The following EPS15 variants were observed in gnomAD, a reference collection of about 807,000 sequenced individuals.
EPS15 encodes epidermal growth factor receptor substrate 15.
Under a neutral mutation model 113.8 loss-of-function variants are expected in EPS15, and 72 were observed. The ratio of observed to expected loss-of-function variants is 0.63; its 90% CI spans 0.52 to 0.77. EPS15 has a LOEUF of 0.77. EPS15 is among the 30% of genes least tolerant of loss of function. The probability of loss-of-function intolerance (pLI) is 0.00; values close to 1 mark genes in which losing one functional copy is unlikely to be tolerated. For synonymous variants in EPS15, 344 were observed against 363.4 expected, an observed-to-expected ratio of 0.95 and a Z score of 0.61; for missense variants, 1,048 against 1,045.8, an observed-to-expected ratio of 1.00 and a Z score of -0.03.
rs1464515619 is a variant in EPS15, at chr1:51,463,688, C to G, written c.486G>C (p.Val162=). ...KPVLLNSKLP[V]DILGRVWELS... ...AATATCTTACTCTTCCAAGGATATC[C>G]ACAGGTAACTTAGAGTTGAGCAACA... Residue 162 remains valine (V), a synonymous_variant, in exon 7 of 25, where the codon GTG becomes GTC. Coordinates refer to ENST00000371733, the MANE Select transcript of EPS15 (RefSeq NM_001981.3). 2.5e-6 allele frequency: 4 copies of G among 1,592,724 alleles called. No individual in the cohort carries two copies. The highest frequency in any genetic ancestry group is 3.4e-6 in the Non-Finnish European group (4 of 1,162,964).
intron 1 of EPS15, among the ~76,000 whole-genome samples, chr1:51,487,317 T>C (rs1203173347): frequency 6.6e-6 from 1 of 152,186 alleles, no homozygotes; most frequent in Non-Finnish European, 1.5e-5. Context: ...AAGTCCATGT[T>C]AAAAACTTTG....
At chr1:51,516,871 G>A (rs1355064975) in intron 1 of EPS15, among the ~76,000 whole-genome samples, 1 of 152,162 alleles carries the variant, frequency 6.6e-6, no homozygotes, top group Non-Finnish European at 1.5e-5. Flanking sequence ...CTTCCAGATA[G>A]GTACCATGGG....
Position 51,470,462 on chromosome 1 carries a change from T to C in EPS15, c.213+1228A>G, listed in dbSNP as rs113464508. ...GAGTTCAAGACCAGCCTGGCCAATA[T>C]AGTGAAACCCCATCTCTACTAAAAA... On this transcript the variant is annotated intron_variant, in intron 4 of 24. Transcript: ENST00000371733. Among the ~76,000 whole-genome samples the C allele has an allele frequency of 8.1e-3, 1,237 of 151,804 alleles. 12 individuals are homozygous for C. The highest frequency in any genetic ancestry group is 0.029 in the African/African-American group (1,192 of 41,404).
At position 51,409,716 on chromosome 1, in the gene EPS15, A is replaced by C. The variant is rs369224063; in HGVS notation, c.1114-20T>G. The C allele has an allele frequency of 1.1e-5, 17 of 1,556,896 alleles. No individual in the cohort carries two copies. Among genetic ancestry groups the C allele is most frequent in the Non-Finnish European group, 1.5e-5 (17 of 1,138,492 alleles). ...AAGATCCTAAAATCCAAGAAAATTA[A>C]TATATTTATTTTCTTTGCGGGCAGG... On this transcript the variant is annotated intron_variant, in intron 13 of 24. Coordinates refer to ENST00000371733, the MANE Select transcript of EPS15 (RefSeq NM_001981.3).
intron 2 of EPS15, among the ~76,000 whole-genome samples, chr1:51,478,027 C>T (rs1420363222): frequency 2.0e-5 from 3 of 152,076 alleles, no homozygotes; most frequent in South Asian, 2.1e-4. Flanking sequence ...GTCTGTCTCA[C>T]TGATCTGACT....
intron 21 of EPS15, among the ~76,000 whole-genome samples, chr1:51,383,723 T>C (rs1465396817): frequency 6.6e-6 from 1 of 152,132 alleles, no homozygotes; most frequent in Non-Finnish European, 1.5e-5. Context: ...CCCTGCAATA[T>C]AGTAGTGGAA....
intron 12 of EPS15, among the ~76,000 whole-genome samples, chr1:51,436,457 T>C (rs1355750767): frequency 6.6e-6 from 1 of 152,232 alleles, no homozygotes; most frequent in East Asian, 1.9e-4. Flanking sequence ...TTTTCTCATC[T>C]ATTATGAGCT....
chr1:51,436,024 A>G (rs921674414), intron 12 of EPS15, among the ~76,000 whole-genome samples: 8 of 152,210 alleles, frequency 5.3e-5, no homozygotes, highest in African/African-American at 1.9e-4. Flanking sequence ...CATCTATCAT[A>G]CGACTGGAGA....
At chr1:51,483,003 A>G (rs1399003396) in intron 1 of EPS15, among the ~76,000 whole-genome samples, 1 of 152,226 alleles carries the variant, frequency 6.6e-6, no homozygotes, top group Non-Finnish European at 1.5e-5. Flanking sequence ...GCTCGCCGTC[A>G]GAGTATTAAA....
chr1:51,439,868 G>A (rs72696126), intron 12 of EPS15, among the ~76,000 whole-genome samples: 4,571 of 152,110 alleles, frequency 0.03, 76 homozygotes, highest in African/African-American at 0.05. Context: ...TGAGGGTCAA[G>A]TAACAATTAT....
intron 12 of EPS15, among the ~76,000 whole-genome samples, chr1:51,434,313 A>C (rs1443322176): frequency 6.6e-6 from 1 of 152,240 alleles, no homozygotes; most frequent in Non-Finnish European, 1.5e-5. Context: ...TCAATAGATG[A>C]ACAGGTAAAC....
intron 19 of EPS15, 100 bp from the exon 20 acceptor site, chr1:51,399,265 CTG>C: frequency 8.6e-7 from 1 of 1,159,462 alleles, no homozygotes; most frequent in Admixed American, 2.1e-5. Context: ...AAAAGACAGT[CTG>C]GGGCCAGGTG....
intron 1 of EPS15, among the ~76,000 whole-genome samples, chr1:51,511,889 T>C (rs990922522): frequency 1.3e-5 from 2 of 152,252 alleles, no homozygotes; most frequent in African/African-American, 4.8e-5. Flanking sequence ...CCTGGTACTG[T>C]TATATTCCCA....
intron 8 of EPS15, among the ~76,000 whole-genome samples, chr1:51,452,314 ACTC>A (rs918790788): frequency 6.6e-6 from 1 of 151,350 alleles, no homozygotes; most frequent in Admixed American, 6.6e-5. Flanking sequence ...ACAAAGGCTC[ACTC>A]TGTTGCCCAG....
At chr1:51,472,762 A>G (rs1460334783) in intron 3 of EPS15, 97 bp downstream of exon 3, 1 of 911,410 alleles carries the variant, frequency 1.1e-6, no homozygotes, top group Non-Finnish European at 1.7e-6. Flanking sequence ...TCTAACTTCT[A>G]AATTTCTTGA....
At chr1:51,495,751 T>C (rs1461825663) in intron 1 of EPS15, among the ~76,000 whole-genome samples, 1 of 152,036 alleles carries the variant, frequency 6.6e-6, no homozygotes, top group Non-Finnish European at 1.5e-5. Flanking sequence ...GTGGGAGAGA[T>C]GGCAAGCCCT....
chr1:51,403,372 C>T (rs761417937), intron 17 of EPS15, 47 bp downstream of exon 17: 9 of 1,014,682 alleles, frequency 8.9e-6, no homozygotes, highest in Admixed American at 1.8e-5. Context: ...TCCTCCTGTC[C>T]TTCCACCCTT....
chr1:51,517,652 A>T (rs1644748130), intron 1 of EPS15, among the ~76,000 whole-genome samples: 1 of 152,334 alleles, frequency 6.6e-6, no homozygotes, highest in African/African-American at 2.4e-5. Flanking sequence ...TCAGTGCTGT[A>T]GTTGTTCAAA....
intron 16 of EPS15, among the ~76,000 whole-genome samples, chr1:51,404,277 C>T (rs11579936): frequency 6.6e-6 from 1 of 151,842 alleles, no homozygotes; most frequent in Admixed American, 6.6e-5. Flanking sequence ...ACCCGGGAGG[C>T]TGAGGCAGGA....
Sources: allele counts gnomAD v4.1 joint callset (sites outside exome capture counted in the v4.1 genomes callset), GRCh38; gene constraint gnomAD v4.1.1; transcripts MANE v1.5; gene names NCBI Gene and HGNC (gene_info 2026-07-23, HGNC 2026-07-21).